SPATA16: variants seen among roughly 807,000 people sequenced by gnomAD.
The protein encoded by SPATA16 is spermatogenesis-associated protein 16.
Under a neutral mutation model 63.3 loss-of-function variants are expected in SPATA16, and 36 were observed. That is an observed-to-expected ratio of 0.57 (90% CI 0.44 to 0.75). The LOEUF (loss-of-function observed/expected upper bound fraction) is 0.75. SPATA16 is among the 30% of genes least tolerant of loss of function. SPATA16 has a pLI of 0.00. For synonymous variants in SPATA16, 203 were observed against 216.7 expected (o/e 0.94, Z 0.56); for missense variants, 646 against 679.3 (o/e 0.95, Z 0.54).
intron 4 of SPATA16, among the ~76,000 whole-genome samples, chr3:173,001,512 G>A (rs566219907): frequency 1.3e-4 from 20 of 152,200 alleles, no homozygotes; most frequent in African/African-American, 4.8e-4. Flanking sequence ...TTTACCGTAA[G>A]GACCTGGTAT....
At chr3:172,994,540 A>ATG (rs1032721431) in intron 4 of SPATA16, among the ~76,000 whole-genome samples, 3 of 149,352 alleles carry the variant, frequency 2.0e-5, no homozygotes, top group Non-Finnish European at 4.4e-5. Flanking sequence ...GTGTGTGTGT[A>ATG]TGTGTGTGTG....
intron 10 of SPATA16, among the ~76,000 whole-genome samples, chr3:172,910,026 A>G (rs1045717582): frequency 1.3e-5 from 2 of 151,992 alleles, no homozygotes; most frequent in Non-Finnish European, 2.9e-5. Flanking sequence ...TGTAAATACA[A>G]ATATTTACTG....
intron 2 of SPATA16, among the ~76,000 whole-genome samples, chr3:173,080,509 C>T (rs1262957935): frequency 6.6e-6 from 1 of 151,872 alleles, no homozygotes. Context: ...GGTGTGATGG[C>T]GGAGAGAGGA....
At chr3:172,938,159 G>T (rs758500787) in intron 6 of SPATA16, among the ~76,000 whole-genome samples, 3 of 152,184 alleles carry the variant, frequency 2.0e-5, no homozygotes, top group Non-Finnish European at 2.9e-5. Flanking sequence ...TGGAGCAACA[G>T]TTCTTATGAA....
At chr3:172,972,419 T>C (rs1303145680) in intron 5 of SPATA16, among the ~76,000 whole-genome samples, 2 of 152,202 alleles carry the variant, frequency 1.3e-5, no homozygotes, top group Non-Finnish European at 2.9e-5. Flanking sequence ...TTTGTCAAGA[T>C]ACAAGAGCAC....
chr3:173,116,918 A>G (rs1302658576), intron 2 of SPATA16, among the ~76,000 whole-genome samples: 1 of 152,220 alleles, frequency 6.6e-6, no homozygotes, highest in East Asian at 1.9e-4. Context: ...CTATATATCA[A>G]GTGCACACAG....
Position 173,019,408 on chromosome 3 carries a change from G to T in SPATA16, c.848+78C>A, listed in dbSNP as rs528806766. ...TTCCATGAGAGAAATGGAGAGTTCTGTTATGCTATTACCAGAATTTGAGAA... is the reference window on the plus strand; with the variant it reads ...TTCCATGAGAGAAATGGAGAGTTCTTTTATGCTATTACCAGAATTTGAGAA... On this transcript the variant is annotated intron_variant, in intron 4 of 10. Transcript: ENST00000351008. 7.4e-6 allele frequency: 9 copies of T among 1,214,320 alleles called. No individual in the cohort carries two copies. In the East Asian group the frequency reaches 2.1e-4, roughly 28 times the overall value. 75.2% of individuals were successfully genotyped at this position (1,214,320 alleles called of 1,614,324 possible).
intron 8 of SPATA16, among the ~76,000 whole-genome samples, chr3:172,923,519 C>T (rs1732660413): frequency 6.6e-6 from 1 of 152,142 alleles, no homozygotes; most frequent in African/African-American, 2.4e-5. Context: ...AAATTTCCAA[C>T]TTACAAGCCT....
At chr3:172,982,429 T>C (rs889029126) in intron 4 of SPATA16, among the ~76,000 whole-genome samples, 4 of 152,194 alleles carry the variant, frequency 2.6e-5, no homozygotes, top group African/African-American at 9.7e-5. Context: ...TGGCCTAATG[T>C]GTTGTATCTA....
intron 6 of SPATA16, among the ~76,000 whole-genome samples, chr3:172,946,099 A>C (rs1733278326): frequency 6.6e-6 from 1 of 152,140 alleles, no homozygotes; most frequent in Admixed American, 6.5e-5. Flanking sequence ...ACCAGACACA[A>C]CCTGAGCTGG....
intron 2 of SPATA16, among the ~76,000 whole-genome samples, chr3:173,062,786 G>A (rs890441907): frequency 7.2e-5 from 11 of 152,178 alleles, no homozygotes; most frequent in Admixed American, 2.0e-4. Flanking sequence ...GGACAGGTTG[G>A]AGGGTGGATG....
intron 2 of SPATA16, among the ~76,000 whole-genome samples, chr3:173,115,134 T>C (rs961180438): frequency 6.6e-6 from 1 of 152,210 alleles, no homozygotes; most frequent in Non-Finnish European, 1.5e-5. Flanking sequence ...ACAAGCATTA[T>C]GCAGTACAAT....
chr3:173,128,885 G>T (rs1334126156), intron 1 of SPATA16, among the ~76,000 whole-genome samples: 8 of 152,252 alleles, frequency 5.3e-5, no homozygotes, highest in Admixed American at 4.6e-4. Context: ...GGTGAATCAT[G>T]TTGGCCCCAG....
rs200087565 is a variant in SPATA16, at chr3:173,117,641, T to A, written c.91A>T (p.Met31Leu). 5.0e-5 allele frequency: 80 copies of A among 1,614,100 alleles called. No homozygotes were observed. In the East Asian group the frequency reaches 1.7e-3, roughly 34 times the overall value. Residue 31 changes from methionine (M) to leucine (L), a missense_variant, in exon 2 of 11, where the codon ATG becomes TTG. Met to Leu is a conservative substitution (Grantham distance 15, BLOSUM62 2). Coordinates refer to ENST00000351008, the MANE Select transcript of SPATA16 (RefSeq NM_031955.6). ...TTAGGTGGGTGCGCTAAGGTGGACATTTTCTTGCTTGTGTTTATCTTTGGA... is the reference window on the plus strand; with the variant it reads ...TTAGGTGGGTGCGCTAAGGTGGACAATTTCTTGCTTGTGTTTATCTTTGGA... Reference protein sequence around the residue: ...LVPKINTSKKMSTLAHPPNIL... With the variant: ...LVPKINTSKKLSTLAHPPNIL...
chr3:172,997,303 T>C (rs1051558230), intron 4 of SPATA16, among the ~76,000 whole-genome samples: 1 of 152,082 alleles, frequency 6.6e-6, no homozygotes, highest in Non-Finnish European at 1.5e-5. Flanking sequence ...TTTTGACCAT[T>C]TTAATAGGTG....
chr3:172,922,280 T>C (rs747927308), intron 8 of SPATA16, among the ~76,000 whole-genome samples: 10 of 152,218 alleles, frequency 6.6e-5, no homozygotes, highest in Non-Finnish European at 1.5e-4. Flanking sequence ...AAAACTGTTA[T>C]TTCCCTTAAA....
intron 4 of SPATA16, among the ~76,000 whole-genome samples, chr3:172,985,814 A>G (rs770096965): frequency 6.6e-6 from 1 of 152,172 alleles, no homozygotes; most frequent in Admixed American, 6.5e-5. Flanking sequence ...GTGTAGAGGA[A>G]GAAAGGGGGG....
chr3:173,086,530 A>G (rs1737057933), intron 2 of SPATA16, among the ~76,000 whole-genome samples: 1 of 151,944 alleles, frequency 6.6e-6, no homozygotes, highest in Non-Finnish European at 1.5e-5. Flanking sequence ...TCATGTCTCT[A>G]TATCCTTCAG....
chr3:173,118,382 G>T (rs909962890), intron 1 of SPATA16, among the ~76,000 whole-genome samples: 1 of 152,166 alleles, frequency 6.6e-6, no homozygotes, highest in African/African-American at 2.4e-5. Flanking sequence ...CTTATCTTTA[G>T]TCTACTGTAT....
Sources: gnomAD v4.1 joint callset for allele counts (sites outside exome capture counted in the v4.1 genomes callset) on GRCh38, gnomAD v4.1.1 for gene constraint, MANE v1.5 for transcripts, NCBI Gene and HGNC (gene_info 2026-07-23, HGNC 2026-07-21) for gene names.